RBL1: variants seen among roughly 807,000 people sequenced by gnomAD.
RBL1 encodes the protein RB transcriptional corepressor like 1.
RBL1 carries 82 observed loss-of-function variants against 123.0 expected under a neutral mutation model. The ratio of observed to expected loss-of-function variants is 0.67; its 90% CI spans 0.56 to 0.80. RBL1 has a LOEUF of 0.80. RBL1 is among the 30% of genes least tolerant of loss of function. The pLI is 0.00. For missense variants in RBL1, 1,171 were observed against 1,299.6 expected, an observed-to-expected ratio of 0.90 and a Z score of 1.52; for synonymous variants, 405 against 441.3, an observed-to-expected ratio of 0.92 and a Z score of 1.03.
Position 37,007,472 on chromosome 20 carries a change from A to T in RBL1, c.2810T>A (p.Ile937Lys). The T allele has an allele frequency of 6.2e-7, 1 of 1,613,784 alleles. No homozygotes were observed. The highest frequency in any genetic ancestry group is 8.5e-7 in the Non-Finnish European group (1 of 1,179,774). ...RGDLIKFYNT[I>K]YVGRVKSFAL... ...AAATGACTTCACTCTTCCTACATAT[A>T]TTGTATTGTAAAATTTTATAAGATC... Residue 937 changes from isoleucine (I) to lysine (K), a missense_variant, in exon 20 of 22, where the codon ATA becomes AAA. By Grantham distance (102) the Ile-to-Lys change is moderately radical (BLOSUM62 -3). Transcript: ENST00000373664.
At chr20:37,044,494 C>A (rs576501749) in intron 12 of RBL1, among the ~76,000 whole-genome samples, 3 of 152,050 alleles carry the variant, frequency 2.0e-5, no homozygotes, top group Non-Finnish European at 2.9e-5. Context: ...CCTGCCACCA[C>A]ACCTGGCTAA....
intron 9 of RBL1, among the ~76,000 whole-genome samples, chr20:37,056,933 G>T (rs2065017536): frequency 6.6e-6 from 1 of 151,926 alleles, no homozygotes; most frequent in South Asian, 2.1e-4. Flanking sequence ...TGTAGCAAAT[G>T]GCAGTATTTC....
Position 37,068,005 on chromosome 20 carries a change from G to GT in RBL1, c.471dup (p.Pro158ThrfsTer14). On this transcript the variant is annotated frameshift_variant, in exon 3 of 22. Coordinates refer to ENST00000373664, the MANE Select transcript of RBL1 (RefSeq NM_002895.5). LOFTEE classifies it high-confidence loss of function. ...GCTCACCTCTGCTTCCGGCTTCGTG[G>GT]TAACTTTGGTGGTTCTTCATATGGA... 1 of 1,613,490 alleles carries GT rather than the reference G, an allele frequency of 6.2e-7. No individual in the cohort carries two copies. Among genetic ancestry groups the GT allele is most frequent in the Non-Finnish European group, 8.5e-7 (1 of 1,179,896 alleles).
At chr20:37,068,853 A>G (rs1201260469) in intron 2 of RBL1, among the ~76,000 whole-genome samples, 1 of 151,422 alleles carries the variant, frequency 6.6e-6, no homozygotes, top group Non-Finnish European at 1.5e-5. Flanking sequence ...CCCTCTCCCC[A>G]CGGTCTCCCT....
rs911648553 is a variant in RBL1, at chr20:37,060,007, T to C, written c.1250+1096A>G. On this transcript the variant is annotated intron_variant, in intron 9 of 21. Coordinates refer to ENST00000373664, the MANE Select transcript of RBL1 (RefSeq NM_002895.5). ...GACCAACATGGAGAAACCCTGTCTC[T>C]ACTAAAAATACAAAATTAGCTGGGC... is the stretch of plus-strand genomic sequence containing the variant. Among the ~76,000 whole-genome samples the C allele has an allele frequency of 2.0e-5, 3 of 152,024 alleles. No individual in the cohort carries two copies. The South Asian group carries it at 6.2e-4, about 32-fold the overall frequency.
At chr20:37,004,781 A>C (rs572274665) in intron 20 of RBL1, among the ~76,000 whole-genome samples, 1 of 150,066 alleles carries the variant, frequency 6.7e-6, no homozygotes, top group East Asian at 2.0e-4. Context: ...TAATCCCAGC[A>C]CTTTGGGAGG....
chr20:37,091,811 A>C (rs984441228), intron 1 of RBL1, among the ~76,000 whole-genome samples: 5 of 152,214 alleles, frequency 3.3e-5, no homozygotes, highest in Non-Finnish European at 7.3e-5. Flanking sequence ...ATAATCTAAA[A>C]GGGGTGGGTA....
chr20:37,035,564 T>A, intron 14 of RBL1, 56 bp from the exon 15 acceptor site: 11 of 1,391,702 alleles, frequency 7.9e-6, no homozygotes, highest in Non-Finnish European at 1.1e-5. Flanking sequence ...ATAAATTAGG[T>A]TTACTCATTC....
At position 37,047,123 on chromosome 20, in the gene RBL1, G is replaced by A. The variant is rs1428234568; in HGVS notation, c.1535C>T (p.Ala512Val). 6.2e-7 allele frequency: 1 copy of A among 1,606,748 alleles called. No individual in the cohort carries two copies. Among genetic ancestry groups the A allele is most frequent in the South Asian group, 1.1e-5 (1 of 89,016 alleles). Residue 512 changes from alanine to valine, a missense_variant, in exon 12 of 22, where the codon GCC becomes GTC. Transcript: ENST00000373664. ...MACCLEIVLF[A>V]YSSPRTFPWI... ...AGGAAAAGTACGAGGTGAGCTATAG[G>A]CAAAGAGCACAATTTCCAAACAACA...
chr20:37,055,514 T>C (rs780802339), intron 11 of RBL1, 39 bp downstream of exon 11: 2 of 1,613,204 alleles, frequency 1.2e-6, no homozygotes, highest in Non-Finnish European at 1.7e-6. Flanking sequence ...AGGCTGACTT[T>C]TGGACCTTGC....
chr20:37,094,383 T>C (rs995241150), intron 1 of RBL1, among the ~76,000 whole-genome samples: 2 of 152,222 alleles, frequency 1.3e-5, no homozygotes, highest in Non-Finnish European at 2.9e-5. Flanking sequence ...CCATTGTCCT[T>C]TACCCAGTCT....
intron 19 of RBL1, 144 bp from the exon 20 acceptor site, chr20:37,007,703 C>G (rs1359572090): frequency 2.7e-6 from 2 of 728,054 alleles, no homozygotes; most frequent in East Asian, 5.9e-5. Flanking sequence ...AGTGATCCTC[C>G]CATCTCAGCC....
chr20:37,025,777 C>G (rs1212850084), intron 16 of RBL1, among the ~76,000 whole-genome samples: 2 of 149,348 alleles, frequency 1.3e-5, no homozygotes, highest in Non-Finnish European at 3.0e-5. Context: ...GAGTCTTGCT[C>G]TGTCACCCAG....
At chr20:37,082,071 C>G (rs1378835440) in intron 2 of RBL1, 3 of 453,928 alleles carry the variant, frequency 6.6e-6, no homozygotes, top group South Asian at 3.1e-5. Context: ...GCCGGGGGAG[C>G]CTGCAAGGCT....
chr20:37,058,905 A>T (rs1326205551), intron 9 of RBL1, among the ~76,000 whole-genome samples: 3 of 151,700 alleles, frequency 2.0e-5, no homozygotes, highest in Non-Finnish European at 4.4e-5. Context: ...CTAATTTTTA[A>T]ATTTTTTCTG....
chr20:37,084,939 G>C (rs2065516259), intron 2 of RBL1, among the ~76,000 whole-genome samples: 1 of 151,284 alleles, frequency 6.6e-6, no homozygotes, highest in Non-Finnish European at 1.5e-5. Flanking sequence ...CTAATTTTTT[G>C]TATTTTTATA....
At chr20:37,019,548 C>T (rs1259389498) in intron 18 of RBL1, among the ~76,000 whole-genome samples, 4 of 152,134 alleles carry the variant, frequency 2.6e-5, no homozygotes, top group Admixed American at 1.3e-4. Context: ...ATAACAAATA[C>T]CTGTACTTGG....
intron 19 of RBL1, among the ~76,000 whole-genome samples, chr20:37,008,025 G>A (rs2064103475): frequency 6.6e-6 from 1 of 152,178 alleles, no homozygotes; most frequent in Non-Finnish European, 1.5e-5. Context: ...TTACTTATAA[G>A]TCAAATTGGA....
At chr20:37,029,526 T>C (rs1418109046) in intron 16 of RBL1, among the ~76,000 whole-genome samples, 1 of 152,190 alleles carries the variant, frequency 6.6e-6, no homozygotes, top group Non-Finnish European at 1.5e-5. Flanking sequence ...TCCTCTAAGA[T>C]CAGGAGTAAG....
Sources: allele counts gnomAD v4.1 joint callset (sites outside exome capture counted in the v4.1 genomes callset), GRCh38; gene constraint gnomAD v4.1.1; transcripts MANE v1.5; gene names NCBI Gene and HGNC (gene_info 2026-07-23, HGNC 2026-07-21).